Variants in KLHDC2 observed in about 807,000 individuals in gnomAD.
The protein encoded by KLHDC2 is kelch domain containing 2.
A neutral mutation model predicts 62.3 loss-of-function variants in KLHDC2; 38 were observed. That is an observed-to-expected ratio of 0.61 (90% CI 0.47 to 0.80). KLHDC2 has a LOEUF of 0.80. Ranked by LOEUF, KLHDC2 falls within the 30% of genes least tolerant of loss-of-function variation. KLHDC2 has a pLI of 0.00. For missense variants in KLHDC2, 430 were observed against 495.3 expected (o/e 0.87, Z 1.25); for synonymous variants, 159 against 161.0 (o/e 0.99, Z 0.09).
intron 5 of KLHDC2, 53 bp from the exon 6 acceptor site, chr14:49,778,354 GCTGT>G (rs1198409690): frequency 1.0e-4 from 135 of 1,332,466 alleles, no homozygotes; most frequent in Middle Eastern, 4.0e-4. Context: ...AATCAGGCAG[GCTGT>G]CTAATTTTAT....
At chr14:49,771,153 A>C (rs1889655393) in intron 1 of KLHDC2, among the ~76,000 whole-genome samples, 1 of 152,172 alleles carries the variant, frequency 6.6e-6, no homozygotes, top group Non-Finnish European at 1.5e-5. Flanking sequence ...GTTTGAGACC[A>C]GCCTGGCCAA....
At chr14:49,781,829 A>AATC (rs1350836558) in intron 10 of KLHDC2, among the ~76,000 whole-genome samples, 4 of 152,242 alleles carry the variant, frequency 2.6e-5, no homozygotes, top group African/African-American at 9.6e-5. Context: ...TTCTCTTGTT[A>AATC]ATCTCAGAAC....
chr14:49,782,626 T>C (rs376791319), intron 12 of KLHDC2, 32 bp downstream of exon 12: 73 of 1,550,184 alleles, frequency 4.7e-5, no homozygotes, highest in African/African-American at 1.1e-4. Flanking sequence ...ACTTAGATTA[T>C]TTAAAATTGT....
intron 3 of KLHDC2, among the ~76,000 whole-genome samples, chr14:49,775,808 G>T (rs146816417): frequency 0.035 from 5,338 of 151,962 alleles, 134 homozygotes; most frequent in Admixed American, 0.065. Flanking sequence ...TTTATTTTTA[G>T]TAGAGACAGG....
In KLHDC2 at chr14:49,785,103, T is replaced by G. The variant is rs1417749990; in HGVS notation, c.*2150T>G. 6.2e-7 allele frequency: 1 copy of G among 1,606,314 alleles called. No homozygotes were observed. The highest frequency in any genetic ancestry group is 1.7e-5 in the Admixed American group (1 of 59,942). The stretch of plus-strand genomic sequence containing the variant: ...ACAAATTTAAATACCTTTTCCCTTT[T>G]TCTGCACTCCAGGAGTAAGTTTCAC... On this transcript the variant is annotated 3_prime_UTR_variant, in exon 13 of 13. Transcript: ENST00000298307.
chr14:49,784,918 ACTTTAC>A lies in KLHDC2; in HGVS notation c.*1972_*1977del. On this transcript the variant is annotated 3_prime_UTR_variant, in exon 13 of 13. Coordinates refer to ENST00000298307, the MANE Select transcript of KLHDC2 (RefSeq NM_014315.3). ...CTCCACATTCCTTTTCTGAAGGAGA[ACTTTAC>A]CTTTACGCTGCGGAATAAGTCTTTT... 1.2e-6 allele frequency: 2 copies of A among 1,611,190 alleles called. No homozygotes were observed. The highest frequency in any genetic ancestry group is 1.7e-6 in the Non-Finnish European group (2 of 1,177,648).
At position 49,782,389 on chromosome 14, in the gene KLHDC2, G is replaced by A. The variant is rs1375210984; in HGVS notation, c.976G>A (p.Ala326Thr). 4 of 1,612,410 alleles carry A rather than the reference G, an allele frequency of 2.5e-6. No individual in the cohort carries two copies. Among genetic ancestry groups the A allele is most frequent in the African/African-American group, 1.3e-5 (1 of 74,866 alleles). ...EKPRLWHTAC[A>T]SDEGEVIVFG... ...ATGCAGGTTATGGCACACAGCTTGT[G>A]CCAGCGATGAAGGAGAAGTAATTGT... Residue 326 changes from alanine to threonine, a missense_variant, in exon 11 of 13, where the codon GCC (alanine) becomes ACC (threonine). Transcript: ENST00000298307.
chr14:49,780,676 C>T (rs1459191169), intron 9 of KLHDC2, 27 bp from the exon 10 acceptor site: 1 of 1,451,964 alleles, frequency 6.9e-7, no homozygotes, highest in Admixed American at 1.7e-5. Context: ...GACAGACTAA[C>T]ATACTTCATT....
chr14:49,770,173 C>T (rs1310560192), intron 1 of KLHDC2, among the ~76,000 whole-genome samples: 1 of 152,050 alleles, frequency 6.6e-6, no homozygotes, highest in African/African-American at 2.4e-5. Context: ...TTTAAAAGGG[C>T]CTGGATGATT....
In KLHDC2 at chr14:49,782,914, T is replaced by TAATC. The variant is rs1193186627; in HGVS notation, c.1184_1187dup (p.Arg397SerfsTer5). The TAATC allele has an allele frequency of 6.2e-7, 1 of 1,613,662 alleles. No homozygotes were observed. Among genetic ancestry groups the TAATC allele is most frequent in the Non-Finnish European group, 8.5e-7 (1 of 1,179,798 alleles). On this transcript the variant is annotated frameshift_variant, in exon 13 of 13. Transcript: ENST00000298307. LOFTEE classifies it high-confidence loss of function. Reference sequence around the variant, plus strand: ...TTCCAAAACACTTACTTCACAGTGTTAATCAGAGGTTTGGTAGTAACAACA... The same window carrying TAATC: ...TTCCAAAACACTTACTTCACAGTGTTAATCAATCAGAGGTTTGGTAGTAACAACA...
At chr14:49,777,410 AAAAAT>A (rs1278450455) in intron 3 of KLHDC2, among the ~76,000 whole-genome samples, 2 of 152,180 alleles carry the variant, frequency 1.3e-5, no homozygotes, top group Non-Finnish European at 2.9e-5. Flanking sequence ...TAAAAAATAA[AAAAAT>A]AAAAATGGGA....
At position 49,784,729 on chromosome 14, in the gene KLHDC2, T is replaced by G. The variant is rs1192802237; in HGVS notation, c.*1776T>G. 6.2e-7 allele frequency: 1 copy of G among 1,601,626 alleles called. No individual in the cohort carries two copies. Among genetic ancestry groups the G allele is most frequent in the Non-Finnish European group, 8.5e-7 (1 of 1,169,642 alleles). On this transcript the variant is annotated 3_prime_UTR_variant, in exon 13 of 13. Coordinates refer to ENST00000298307, the MANE Select transcript of KLHDC2 (RefSeq NM_014315.3). ...AATCTGTGTCCTAAAAAAAGAAAAT[T>G]GCTGAATATCTTCACATCCTGTATG...
At chr14:49,778,012 G>A in intron 4 of KLHDC2, 58 bp downstream of exon 4, 1 of 1,100,512 alleles carries the variant, frequency 9.1e-7, no homozygotes. Context: ...TACCATTCAG[G>A]TATCCTTAGC....
Position 49,785,352 on chromosome 14 carries a change from A to G in KLHDC2, c.*2399A>G, listed in dbSNP as rs1451649395. 9.7e-6 allele frequency: 14 copies of G among 1,445,490 alleles called. No homozygotes were observed. Among genetic ancestry groups the G allele is most frequent in the Non-Finnish European group, 1.4e-5 (14 of 1,026,696 alleles). The allele number at this position is 1,445,490 out of a possible 1,614,324, so 89.5% of individuals were successfully genotyped here. ...AGGGAAAATAACAGTTACAAAGGCA[A>G]TTTATACCGCCCTTTACAAAAAATG... On this transcript the variant is annotated 3_prime_UTR_variant, in exon 13 of 13. Coordinates refer to ENST00000298307, the MANE Select transcript of KLHDC2 (RefSeq NM_014315.3).
At chr14:49,775,665 C>T (rs1233194167) in intron 3 of KLHDC2, among the ~76,000 whole-genome samples, 3 of 146,078 alleles carry the variant, frequency 2.1e-5, no homozygotes, top group East Asian at 2.0e-4. Context: ...CTCGCTCTGT[C>T]GCCCAGGCTG....
chr14:49,769,813 G>A (rs1889624576), intron 1 of KLHDC2, among the ~76,000 whole-genome samples: 1 of 151,996 alleles, frequency 6.6e-6, no homozygotes, highest in African/African-American at 2.4e-5. Context: ...CGTGGTGACG[G>A]GCGCCCTAAT....
At chr14:49,776,122 G>A (rs1485840355) in intron 3 of KLHDC2, among the ~76,000 whole-genome samples, 4 of 152,132 alleles carry the variant, frequency 2.6e-5, no homozygotes, top group East Asian at 1.9e-4. Context: ...GTTTGTATAC[G>A]TTGGGCTTTT....
chr14:49,775,601 A>G (rs1364559131), intron 3 of KLHDC2, among the ~76,000 whole-genome samples: 3 of 146,440 alleles, frequency 2.0e-5, no homozygotes, highest in Non-Finnish European at 3.0e-5. Flanking sequence ...AGATACAGAG[A>G]TATAAGCAAA....
At chr14:49,773,368 C>G (rs1417281787) in intron 2 of KLHDC2, among the ~76,000 whole-genome samples, 1 of 144,646 alleles carries the variant, frequency 6.9e-6, no homozygotes, top group Non-Finnish European at 1.5e-5. Flanking sequence ...GAGCAGAGAT[C>G]GCGCCACTGC....
Sources: gnomAD v4.1 joint callset for allele counts (sites outside exome capture counted in the v4.1 genomes callset) on GRCh38, gnomAD v4.1.1 for gene constraint, MANE v1.5 for transcripts, NCBI Gene and HGNC (gene_info 2026-07-23, HGNC 2026-07-21) for gene names.